The following CDON variants were observed in gnomAD, a reference collection of about 807,000 sequenced individuals.
The protein encoded by CDON is cell adhesion molecule-related/down-regulated by oncogenes.
A neutral mutation model predicts 120.9 loss-of-function variants in CDON; 73 were observed. That is an observed-to-expected ratio of 0.60 (90% confidence interval 0.50 to 0.73). The LOEUF is 0.73. Ranked by LOEUF, CDON falls within the 30% of genes least tolerant of loss-of-function variation. CDON has a pLI of 0.00. For synonymous variants in CDON, 566 were observed against 573.5 expected, an observed-to-expected ratio of 0.99 and a Z score of 0.19; for missense variants, 1,470 against 1,587.3, an observed-to-expected ratio of 0.93 and a Z score of 1.26.
chr11:126,014,372 T>A (rs1947397636), intron 7 of CDON, among the ~76,000 whole-genome samples: 1 of 152,212 alleles, frequency 6.6e-6, no homozygotes, highest in African/African-American at 2.4e-5. Context: ...TGGTTCTCTT[T>A]TTTACCTATC....
chr11:125,989,005 A>G (rs1946549026), intron 15 of CDON, among the ~76,000 whole-genome samples: 1 of 152,226 alleles, frequency 6.6e-6, no homozygotes, highest in Non-Finnish European at 1.5e-5. Flanking sequence ...GTTCATGACC[A>G]GCCTGGGCAA....
At chr11:125,997,553 A>C in intron 11 of CDON, 143 bp from the exon 12 acceptor site, 2 of 697,790 alleles carry the variant, frequency 2.9e-6, no homozygotes, top group Non-Finnish European at 5.2e-6. Flanking sequence ...CATTTACAGC[A>C]GTCTTCCTGT....
chr11:126,001,677 A>G (rs1027766959), intron 11 of CDON, 42 bp downstream of exon 11: 10 of 1,584,498 alleles, frequency 6.3e-6, no homozygotes, highest in Admixed American at 1.7e-5. Context: ...GAAGCAGGTC[A>G]GTTATATTTG....
At chr11:126,001,028 CAAAAAA>C (rs1324215130) in intron 11 of CDON, among the ~76,000 whole-genome samples, 2 of 151,854 alleles carry the variant, frequency 1.3e-5, no homozygotes, top group Admixed American at 6.6e-5. Flanking sequence ...CTAGATATAG[CAAAAAA>C]TAAAAATAAA....
intron 7 of CDON, 160 bp from the exon 8 acceptor site, chr11:126,010,854 C>T (rs1275947596): frequency 1.5e-6 from 1 of 686,952 alleles, no homozygotes; most frequent in South Asian, 1.5e-5. Context: ...GTAAGACTGT[C>T]AATAAATGGT....
chr11:126,009,102 A>C (rs1947216206), intron 8 of CDON, among the ~76,000 whole-genome samples: 2 of 152,180 alleles, frequency 1.3e-5, no homozygotes, highest in African/African-American at 4.8e-5. Flanking sequence ...CTTGGGTTAC[A>C]AAGCTGCTAA....
chr11:126,024,873 G>T (rs531274811), intron 1 of CDON, among the ~76,000 whole-genome samples: 4 of 152,296 alleles, frequency 2.6e-5, no homozygotes, highest in African/African-American at 7.2e-5. Flanking sequence ...GGTAGTGAAT[G>T]AAACAGAAAG....
Position 126,019,706 on chromosome 11 carries a change from C to A in CDON, c.409G>T (p.Gly137Cys), listed in dbSNP as rs754529981. 6 of 1,613,934 alleles carry A rather than the reference C, an allele frequency of 3.7e-6. No homozygotes were observed. The highest frequency in any genetic ancestry group is 8.5e-7 in the Non-Finnish European group (1 of 1,179,920). ...TCCGGTACCCTGCAGCCAATGAAACCAGCACTTTTTTCTTCTGCTGTAATA... is the reference window on the plus strand; with the variant it reads ...TCCGGTACCCTGCAGCCAATGAAACAAGCACTTTTTTCTTCTGCTGTAATA... ...HVITAEEKSA[G>C]FIGCRVPESN... The change falls in exon 4 of 20, where the codon GGT becomes TGT. Residue 137 changes from glycine (G) to cysteine (C), a missense_variant. Physicochemically the swap from Gly to Cys is radical, Grantham distance 159. Transcript: ENST00000531738.
chr11:125,989,030 G>A (rs895802862), intron 15 of CDON, among the ~76,000 whole-genome samples: 2 of 151,776 alleles, frequency 1.3e-5, no homozygotes, highest in Non-Finnish European at 1.5e-5. Context: ...GTGAGATGCC[G>A]TCTCTAAAAA....
Position 126,021,247 on chromosome 11 carries a change from C to A in CDON, c.349+1G>T, listed in dbSNP as rs201567005. On this transcript the variant is annotated splice_donor_variant, in intron 3 of 19. Coordinates refer to ENST00000531738, the MANE Select transcript of CDON (RefSeq NM_001378964.1). LOFTEE classifies it high-confidence loss of function. ...CCTAACAGGGACAAAATTAAACTCACCTGCCACAGATACTGTCGCAGGGCC... is the reference window on the plus strand; with the variant it reads ...CCTAACAGGGACAAAATTAAACTCAACTGCCACAGATACTGTCGCAGGGCC... 6.2e-7 allele frequency: 1 copy of A among 1,613,844 alleles called. No homozygotes were observed. Among genetic ancestry groups the A allele is most frequent in the East Asian group, 2.2e-5 (1 of 44,878 alleles).
intron 11 of CDON, 111 bp from the exon 12 acceptor site, chr11:125,997,521 A>G (rs1272598747): frequency 2.4e-6 from 2 of 844,976 alleles, no homozygotes; most frequent in African/African-American, 3.4e-5. Flanking sequence ...TTCTTCACCA[A>G]ACTTTTTGCC....
chr11:126,030,037 T>C (rs1166294293), intron 1 of CDON, among the ~76,000 whole-genome samples: 2 of 152,212 alleles, frequency 1.3e-5, no homozygotes, highest in African/African-American at 2.4e-5. Flanking sequence ...CAAATGTCAC[T>C]AAACAACAGC....
intron 1 of CDON, among the ~76,000 whole-genome samples, chr11:126,050,984 C>T (rs530105837): frequency 6.6e-6 from 1 of 152,230 alleles, no homozygotes; most frequent in East Asian, 1.9e-4. Flanking sequence ...AGAACCTTTA[C>T]AAGCAAATGG....
chr11:125,971,411 T>TAAATAAATA lies in CDON; in HGVS notation c.3356+6892_3356+6893insTATTTATTT, dbSNP rs11404576. 6.9e-3 allele frequency among the ~76,000 whole-genome samples: 1,022 copies of TAAATAAATA among 148,990 alleles called. 10 individuals carry two copies. Among genetic ancestry groups the TAAATAAATA allele is most frequent in the African/African-American group, 0.023 (920 of 39,538 alleles). Reference sequence around the variant, plus strand: ...ATAAATAAATAAATAAATAAATAAATAATAATAATTAATGTTCTCATATTC... The same window carrying TAAATAAATA: ...ATAAATAAATAAATAAATAAATAAATAAATAAATAAATAATAATTAATGTTCTCATATTC... On this transcript the variant is annotated intron_variant, in intron 18 of 19. Coordinates refer to ENST00000531738, the MANE Select transcript of CDON (RefSeq NM_001378964.1).
chr11:125,978,942 C>T (rs1565499121), intron 17 of CDON, among the ~76,000 whole-genome samples: 1 of 152,108 alleles, frequency 6.6e-6, no homozygotes, highest in African/African-American at 2.4e-5. Context: ...CCAGCAATGA[C>T]TTGGAGGGGG....
At chr11:125,988,104 T>C (rs1946519914) in intron 15 of CDON, among the ~76,000 whole-genome samples, 1 of 152,202 alleles carries the variant, frequency 6.6e-6, no homozygotes, top group South Asian at 2.1e-4. Flanking sequence ...GCTCCAATTT[T>C]GTTTGGGTGT....
intron 1 of CDON, among the ~76,000 whole-genome samples, chr11:126,051,485 T>C (rs1045853179): frequency 1.3e-5 from 2 of 152,150 alleles, no homozygotes; most frequent in African/African-American, 4.8e-5. Flanking sequence ...CTAAGATACA[T>C]GCAGTCCAAA....
chr11:126,014,005 AT>A, intron 7 of CDON, among the ~76,000 whole-genome samples: 1 of 152,022 alleles, frequency 6.6e-6, no homozygotes. Context: ...TTCCATTATG[AT>A]TTCTTTTTTT....
In CDON at chr11:126,043,762, C is replaced by T. The variant is rs143998527; in HGVS notation, c.-62+18817G>A. 3.3e-3 allele frequency among the ~76,000 whole-genome samples: 510 copies of T among 152,286 alleles called. 7 individuals carry two copies. Among genetic ancestry groups the T allele is most frequent in the African/African-American group, 0.011 (447 of 41,548 alleles). The stretch of plus-strand genomic sequence containing the variant: ...CAGTTGCGCTTACATCCACTCACTT[C>T]AGTGTGAATCGATGGCCATGTGTCA... On this transcript the variant is annotated intron_variant, in intron 1 of 19. Coordinates refer to ENST00000531738, the MANE Select transcript of CDON (RefSeq NM_001378964.1).
Sources: gnomAD v4.1 joint callset for allele counts (sites outside exome capture counted in the v4.1 genomes callset) on GRCh38, gnomAD v4.1.1 for gene constraint, MANE v1.5 for transcripts, NCBI Gene and HGNC (gene_info 2026-07-23, HGNC 2026-07-21) for gene names.